RTTN: variants seen among roughly 807,000 people sequenced by gnomAD.
The protein encoded by RTTN is rotatin.
RTTN carries 182 observed loss-of-function variants against 269.2 expected under a neutral mutation model. That is an observed-to-expected ratio of 0.68 (90% CI 0.60 to 0.76). The LOEUF is 0.76. Ranked by LOEUF, RTTN falls within the 30% of genes least tolerant of loss-of-function variation. The pLI, the probability that RTTN is intolerant of heterozygous loss-of-function variation, is 0.00. For synonymous variants in RTTN, 1,006 were observed against 963.5 expected (o/e 1.04, Z -0.82); for missense variants, 2,545 against 2,608.6 (o/e 0.98, Z 0.53).
At chr18:70,010,061 A>G (rs1490319589) in intron 46 of RTTN, among the ~76,000 whole-genome samples, 1 of 152,264 alleles carries the variant, frequency 6.6e-6, no homozygotes, top group Non-Finnish European at 1.5e-5. Context: ...TATGCACCCA[A>G]TACAGGAGCA....
At position 70,017,619 on chromosome 18, in the gene RTTN, T is replaced by A. The variant is rs764347798; in HGVS notation, c.6209A>T (p.His2070Leu). 6 of 1,613,818 alleles carry A rather than the reference T, an allele frequency of 3.7e-6. No homozygotes were observed. The highest frequency in any genetic ancestry group is 5.1e-6 in the Non-Finnish European group (6 of 1,179,776). Reference protein sequence around the residue: ...SLALPKGGNKHLSNLTILWLK... With the variant: ...SLALPKGGNKLLSNLTILWLK... ...CCAAAGAATAGTCAGATTACTTAGA[T>A]GTTTATTTCCTCCTTTTGGCAATGC... Residue 2070 changes from histidine (H) to leucine (L), a missense_variant, in exon 46 of 49, where the codon CAT becomes CTT. His to Leu is a moderately conservative substitution (Grantham distance 99). Transcript: ENST00000640769.
At chr18:70,114,758 G>C (rs1440287097) in intron 26 of RTTN, among the ~76,000 whole-genome samples, 159 bp from the exon 27 acceptor site, 2 of 151,906 alleles carry the variant, frequency 1.3e-5, no homozygotes, top group African/African-American at 4.8e-5. Context: ...AAATTCAAAA[G>C]ATGTTTAATA....
intron 3 of RTTN, among the ~76,000 whole-genome samples, chr18:70,202,897 G>A (rs1600095263): frequency 1.3e-5 from 2 of 151,736 alleles, no homozygotes; most frequent in Non-Finnish European, 1.5e-5. Context: ...GTGAACCGCA[G>A]TACCCACAGC....
At chr18:70,102,995 G>A (rs1189970481) in intron 28 of RTTN, among the ~76,000 whole-genome samples, 128 of 142,138 alleles carry the variant, frequency 9.0e-4, no homozygotes, top group African/African-American at 3.0e-3. Flanking sequence ...AGTGGGGAGC[G>A]CCTCTGCCCA....
In RTTN at chr18:70,205,109, T is replaced by C. The variant is rs755636961; in HGVS notation, c.219+19A>G. ...AAGTCACTCGTCTGATTATTTTCTT[T>C]ATTTCAAAATGACCCTACCTTAACC... is the stretch of plus-strand genomic sequence containing the variant. On this transcript the variant is annotated intron_variant, in intron 2 of 48. Transcript: ENST00000640769. 5.6e-6 allele frequency: 9 copies of C among 1,603,024 alleles called. No homozygotes were observed. The highest frequency in any genetic ancestry group is 6.8e-6 in the Non-Finnish European group (8 of 1,173,088).
intron 39 of RTTN, among the ~76,000 whole-genome samples, chr18:70,050,666 A>C (rs958114657): frequency 4.6e-5 from 7 of 152,220 alleles, no homozygotes; most frequent in Admixed American, 3.3e-4. Flanking sequence ...AAGACTTGGA[A>C]CCAACCCAAT....
At chr18:70,158,840 G>C (rs2060752630) in intron 14 of RTTN, among the ~76,000 whole-genome samples, 1 of 152,012 alleles carries the variant, frequency 6.6e-6, no homozygotes, top group East Asian at 1.9e-4. Context: ...ATGATCAAAA[G>C]GATAAAGAAA....
chr18:70,166,207 A>C lies in RTTN; in HGVS notation c.1803-19T>G. On this transcript the variant is annotated intron_variant, in intron 13 of 48. Transcript: ENST00000640769. ...TTTCCAGCTGGTGAAAAGGTAAAACAACCAAGACATGTGAGGCAAGTAAGT... is the reference window on the plus strand; with the variant it reads ...TTTCCAGCTGGTGAAAAGGTAAAACCACCAAGACATGTGAGGCAAGTAAGT... 6.2e-7 allele frequency: 1 copy of C among 1,611,868 alleles called. No homozygotes were observed. Among genetic ancestry groups the C allele is most frequent in the Non-Finnish European group, 8.5e-7 (1 of 1,178,742 alleles).
At chr18:70,133,731 C>T (rs1005288465) in intron 23 of RTTN, among the ~76,000 whole-genome samples, 17 of 151,918 alleles carry the variant, frequency 1.1e-4, no homozygotes, top group African/African-American at 4.1e-4. Flanking sequence ...TGAGAAAGCA[C>T]AAAAAGGGTT....
intron 12 of RTTN, among the ~76,000 whole-genome samples, chr18:70,167,274 G>T (rs1161319957): frequency 6.6e-6 from 1 of 152,214 alleles, no homozygotes; most frequent in African/African-American, 2.4e-5. Flanking sequence ...TAAGCTTAAA[G>T]TTACAATCAA....
At chr18:70,134,195 CAT>C (rs1444154874) in intron 23 of RTTN, among the ~76,000 whole-genome samples, 6 of 151,886 alleles carry the variant, frequency 4.0e-5, no homozygotes, top group South Asian at 2.1e-4. Context: ...CAAAGAGACT[CAT>C]ATGTAAATAA....
At position 70,128,504 on chromosome 18, in the gene RTTN, A is replaced by T. The variant is rs2059922164; in HGVS notation, c.2997T>A (p.Ser999Arg). 3.1e-6 allele frequency: 5 copies of T among 1,613,084 alleles called. No homozygotes were observed. Among genetic ancestry groups the T allele is most frequent in the South Asian group, 1.1e-5 (1 of 91,056 alleles). The change falls in exon 24 of 49, where the codon AGT (serine) becomes AGA (arginine). Residue 999 changes from serine (S) to arginine (R), a missense_variant. Coordinates refer to ENST00000640769, the MANE Select transcript of RTTN (RefSeq NM_173630.4). ...PVHVIGHHAV[S>R]PYSIVLPLSA... ...ATAAGGGCAAAACTATGGAGTAAGG[A>T]CTCACAGCATGGTGTCCAATTACAT...
intron 14 of RTTN, among the ~76,000 whole-genome samples, chr18:70,151,818 C>G (rs569928094): frequency 1.3e-5 from 2 of 152,274 alleles, no homozygotes; most frequent in South Asian, 4.1e-4. Context: ...TTATTCTAAT[C>G]ACCATATGAC....
chr18:70,133,443 G>A (rs1276269735), intron 23 of RTTN, among the ~76,000 whole-genome samples: 1 of 152,086 alleles, frequency 6.6e-6, no homozygotes, highest in East Asian at 1.9e-4. Flanking sequence ...AATGTTCTTA[G>A]CAGTCATTTC....
At chr18:70,152,889 T>TA (rs558382300) in intron 14 of RTTN, among the ~76,000 whole-genome samples, 5 of 152,230 alleles carry the variant, frequency 3.3e-5, no homozygotes, top group Non-Finnish European at 7.3e-5. Flanking sequence ...CAGATCACGT[T>TA]AAAATCATTC....
At chr18:70,036,524 T>C (rs540645256) in intron 40 of RTTN, among the ~76,000 whole-genome samples, 6 of 152,038 alleles carry the variant, frequency 3.9e-5, no homozygotes, top group Non-Finnish European at 1.5e-5. Context: ...AGGGGAACAA[T>C]AGACAATGGG....
At chr18:70,168,041 A>G (rs9948295) in intron 12 of RTTN, among the ~76,000 whole-genome samples, 145,085 of 151,428 alleles carry the variant, frequency 0.96, 69,833 homozygotes, top group East Asian at 1. Context: ...CTAGTTGCTT[A>G]GGAGGCCAAG....
intron 3 of RTTN, among the ~76,000 whole-genome samples, chr18:70,202,630 C>T (rs908910394): frequency 2.6e-5 from 4 of 152,126 alleles, no homozygotes; most frequent in South Asian, 2.1e-4. Context: ...GTGATGTCTT[C>T]GAAACTGTAA....
At chr18:70,173,491 C>CAAAAAAAAAAAAAAAAAAAAAAAAAAAAA in intron 11 of RTTN, among the ~76,000 whole-genome samples, 1 of 48,510 alleles carries the variant, frequency 2.1e-5, no homozygotes, top group Non-Finnish European at 4.5e-5. Context: ...GACTCCAACT[C>CAAAAAAAAAAAAAAAAAAAAAAAAAAAAA]AAAAAAAAAA....
Sources: gnomAD v4.1 joint callset for allele counts (sites outside exome capture counted in the v4.1 genomes callset) on GRCh38, gnomAD v4.1.1 for gene constraint, MANE v1.5 for transcripts, NCBI Gene and HGNC (gene_info 2026-07-23, HGNC 2026-07-21) for gene names.